PUDP: variants seen among roughly 807,000 people sequenced by gnomAD.
PUDP encodes the protein pseudouridine 5'-phosphatase, also known as pseudouridine-5'-phosphatase.
Under a neutral mutation model 9.4 loss-of-function variants are expected in PUDP, and 8 were observed. That is an observed-to-expected ratio of 0.85 (90% CI 0.50 to 1.53). The LOEUF is 1.53. Ranked by LOEUF, PUDP falls within the 40% of genes most tolerant of loss-of-function variation. The pLI, the probability that PUDP is intolerant of heterozygous loss-of-function variation, is 0.00. For missense variants in PUDP, 188 were observed against 189.7 expected (o/e 0.99, Z 0.05); for synonymous variants, 99 against 80.7 (o/e 1.23, Z -1.22).
At chrX:7,101,663 G>C (rs1308239726) in intron 2 of PUDP, among the ~76,000 whole-genome samples, 1 of 112,008 alleles carries the variant, frequency 8.9e-6, no homozygotes, top group Non-Finnish European at 1.9e-5. Context: ...GGCTTGGGTA[G>C]ATATGGAAGA....
intron 3 of PUDP, among the ~76,000 whole-genome samples, chrX:6,737,709 G>A (rs754384144): frequency 4.4e-4 from 49 of 110,867 alleles, no homozygotes; most frequent in Admixed American, 2.1e-3. Context: ...GAGGGGTATC[G>A]TAGGATATTG....
intron 3 of PUDP, among the ~76,000 whole-genome samples, chrX:6,738,881 T>A (rs1358376286): frequency 8.9e-6 from 1 of 112,092 alleles, no homozygotes; most frequent in South Asian, 3.7e-4. Flanking sequence ...CAGACATTTT[T>A]AAATGCCTTT....
At chrX:7,064,422 A>G (rs769453181) in intron 3 of PUDP, among the ~76,000 whole-genome samples, 3 of 112,006 alleles carry the variant, frequency 2.7e-5, no homozygotes, top group African/African-American at 9.7e-5. Context: ...TAGTCATTTC[A>G]TTGTTCAGGT....
intron 3 of PUDP, among the ~76,000 whole-genome samples, chrX:6,889,507 G>T (rs953961357): frequency 9.0e-6 from 1 of 111,443 alleles, no homozygotes; most frequent in African/African-American, 3.3e-5. Context: ...TGATAGGATT[G>T]ATCATTATGC....
intron 1 of PUDP, among the ~76,000 whole-genome samples, chrX:6,707,358 G>T (rs1419613001): frequency 9.0e-6 from 1 of 111,050 alleles, no homozygotes; most frequent in Non-Finnish European, 1.9e-5. Context: ...GGGATACAGG[G>T]GCATGATTTC....
chrX:7,116,356 T>C (rs748026013), intron 1 of PUDP, among the ~76,000 whole-genome samples: 7 of 111,757 alleles, frequency 6.3e-5, no homozygotes, highest in Non-Finnish European at 1.3e-4. Context: ...GATAAGTCAT[T>C]GAGCTGGCCA....
At chrX:6,972,561 T>A (rs1241682688) in intron 3 of PUDP, among the ~76,000 whole-genome samples, 1 of 112,191 alleles carries the variant, frequency 8.9e-6, no homozygotes, top group Non-Finnish European at 1.9e-5. Flanking sequence ...TGAAGCCGAC[T>A]TGATAATGGT....
intron 3 of PUDP, among the ~76,000 whole-genome samples, chrX:6,802,739 G>A (rs367811485): frequency 2.7e-4 from 29 of 108,459 alleles, no homozygotes; most frequent in African/African-American, 9.4e-4. Context: ...CAAAAAATTA[G>A]CCAGGCCTGG....
rs761673621 is a variant in PUDP, at chrX:6,958,145, C to T, written c.*247+18988G>A. On this transcript the variant is annotated intron_variant and NMD_transcript_variant, in intron 3 of 3. Transcript: ENST00000655425. ...TACGCGTCCACCCTACTGCTGTGTC[C>T]GGTTTCCATTGGCTGGAATGGGACC... Among the ~76,000 whole-genome samples, 4 of 112,179 alleles carry T rather than the reference C, an allele frequency of 3.6e-5. No individual in the cohort carries two copies. In the South Asian group the frequency reaches 1.1e-3, roughly 31 times the overall value.
At chrX:6,968,303 CAAA>C (rs1928817210) in intron 3 of PUDP, among the ~76,000 whole-genome samples, 1 of 112,189 alleles carries the variant, frequency 8.9e-6, no homozygotes, top group African/African-American at 3.2e-5. Context: ...GACGCAAATG[CAAA>C]ATTCTATTTC....
chrX:6,741,824 C>T (rs868422796), intron 3 of PUDP, among the ~76,000 whole-genome samples: 1 of 97,933 alleles, frequency 1.0e-5, no homozygotes, highest in African/African-American at 4.1e-5. Context: ...CTCTCTCTCT[C>T]TCTCTCTTTC....
intron 3 of PUDP, among the ~76,000 whole-genome samples, chrX:6,957,487 A>C (rs895137205): frequency 9.0e-6 from 1 of 111,367 alleles, no homozygotes; most frequent in Non-Finnish European, 1.9e-5. Context: ...AAAGTCTCTC[A>C]CCAGATGCCA....
intron 3 of PUDP, among the ~76,000 whole-genome samples, chrX:6,820,465 A>C (rs1195745678): frequency 1.8e-5 from 2 of 111,829 alleles, no homozygotes; most frequent in Non-Finnish European, 3.8e-5. Context: ...ATCTGAGACA[A>C]GGCAAGTCCT....
At chrX:6,913,812 TG>T (rs1569122204) in intron 3 of PUDP, among the ~76,000 whole-genome samples, 1 of 111,309 alleles carries the variant, frequency 9.0e-6, no homozygotes, top group African/African-American at 3.3e-5. Context: ...ACATTCCTAG[TG>T]TTGTTAGTTT....
chrX:6,719,875 C>G (rs1473536638), intron 1 of PUDP, among the ~76,000 whole-genome samples: 1 of 111,389 alleles, frequency 9.0e-6, no homozygotes, highest in Non-Finnish European at 1.9e-5. Flanking sequence ...GATAAACTGG[C>G]ACAGCCACTA....
intron 1 of PUDP, among the ~76,000 whole-genome samples, chrX:7,030,455 A>T (rs1929777771): frequency 8.9e-6 from 1 of 112,049 alleles, no homozygotes; most frequent in Non-Finnish European, 1.9e-5. Flanking sequence ...CAAATCCTTA[A>T]CCATGCTGAA....
intron 3 of PUDP, among the ~76,000 whole-genome samples, chrX:6,930,500 C>A (rs1390325278): frequency 2.7e-5 from 3 of 111,479 alleles, no homozygotes; most frequent in Non-Finnish European, 5.6e-5. Flanking sequence ...CAACGTCCTG[C>A]AGTTACCCCA....
chrX:6,727,639 T>C (rs1924755147), intron 3 of PUDP, among the ~76,000 whole-genome samples: 2 of 111,833 alleles, frequency 1.8e-5, no homozygotes, highest in Non-Finnish European at 3.8e-5. Flanking sequence ...AGAAATAATT[T>C]TAAAACCAGC....
intron 3 of PUDP, among the ~76,000 whole-genome samples, chrX:6,855,747 ACCAGTGTCTTACCG>A (rs1926895854): frequency 1.8e-5 from 2 of 111,785 alleles, no homozygotes; most frequent in South Asian, 7.6e-4. Flanking sequence ...ACAAGCTTCA[ACCAGTGTCTTACCG>A]CCAAGGTTTC....
Sources: gnomAD v4.1 joint callset for allele counts (sites outside exome capture counted in the v4.1 genomes callset) on GRCh38, gnomAD v4.1.1 for gene constraint, MANE v1.5 for transcripts, NCBI Gene and HGNC (gene_info 2026-07-23, HGNC 2026-07-21) for gene names.